MALRD1: variants seen among roughly 807,000 people sequenced by gnomAD.
The protein encoded by MALRD1 is MAM and LDL-receptor class A domain-containing protein 1.
MALRD1 carries 247 observed loss-of-function variants against 242.1 expected under a neutral mutation model. That is an observed-to-expected ratio of 1.02 (90% confidence interval 0.92 to 1.13). The LOEUF (loss-of-function observed/expected upper bound fraction) is 1.13, where lower values mean the gene tolerates loss of function less well. MALRD1 is among the 50% of genes most tolerant of loss of function. The probability of loss-of-function intolerance (pLI) is 0.00; values close to 1 mark genes in which losing one functional copy is unlikely to be tolerated. For missense variants in MALRD1, 2,989 were observed against 2,533.1 expected (o/e 1.18, Z -3.86); for synonymous variants, 995 against 866.6 (o/e 1.15, Z -2.60).
At chr10:19,401,801 T>G (rs1333186691) in intron 28 of MALRD1, among the ~76,000 whole-genome samples, 1 of 145,974 alleles carries the variant, frequency 6.9e-6, no homozygotes, top group Non-Finnish European at 1.5e-5. Context: ...GATACGACTT[T>G]AAGATTGATC....
At chr10:19,308,589 C>G (rs1842315161) in intron 21 of MALRD1, among the ~76,000 whole-genome samples, 1 of 151,432 alleles carries the variant, frequency 6.6e-6, no homozygotes, top group Non-Finnish European at 1.5e-5. Context: ...TCATAATTCT[C>G]TATTTTATAC....
chr10:19,113,516 A>C (rs1334332859), intron 5 of MALRD1, among the ~76,000 whole-genome samples: 5 of 139,292 alleles, frequency 3.6e-5, no homozygotes, highest in African/African-American at 8.1e-5. Flanking sequence ...TTTTCTCCCC[A>C]TTCCTCTCCC....
rs1201367066 is a variant in MALRD1 at position 19,164,419 on chromosome 10, C to T, written c.1657-1218C>T. Among the ~76,000 whole-genome samples, 3 of 152,036 alleles carry T rather than the reference C, an allele frequency of 2.0e-5. No individual in the cohort carries two copies. The East Asian group carries it at 5.8e-4, about 29-fold the overall frequency. The stretch of plus-strand genomic sequence containing the variant: ...AAAAGCACAATGATGAATGGGAAAA[C>T]ATTTTTTAAAAAGAATTTAAAATAT... On this transcript the variant is annotated intron_variant, in intron 12 of 39. Transcript: ENST00000454679.
At chr10:19,307,287 G>A (rs1232478705) in intron 21 of MALRD1, among the ~76,000 whole-genome samples, 1 of 151,340 alleles carries the variant, frequency 6.6e-6, no homozygotes, top group African/African-American at 2.4e-5. Flanking sequence ...TGTCTAAGGG[G>A]GATACTTGAT....
At chr10:19,387,845 G>A (rs1846152480) in intron 27 of MALRD1, 72 bp downstream of exon 27, 3 of 1,485,318 alleles carry the variant, frequency 2.0e-6, no homozygotes, top group African/African-American at 2.8e-5. Flanking sequence ...TTTTCTGATA[G>A]CAACTGGGGA....
At chr10:19,435,256 A>G (rs1400270103) in intron 28 of MALRD1, among the ~76,000 whole-genome samples, 1 of 152,002 alleles carries the variant, frequency 6.6e-6, no homozygotes, top group Admixed American at 6.6e-5. Flanking sequence ...TATTGCAAAG[A>G]TAGTACAGGG....
At chr10:19,237,093 T>C (rs1219682007) in intron 18 of MALRD1, among the ~76,000 whole-genome samples, 1 of 152,044 alleles carries the variant, frequency 6.6e-6, no homozygotes, top group African/African-American at 2.4e-5. Flanking sequence ...ATAAGGATAG[T>C]TAGTGTATTA....
At chr10:19,350,128 C>T (rs1844308009) in intron 25 of MALRD1, among the ~76,000 whole-genome samples, 1 of 151,994 alleles carries the variant, frequency 6.6e-6, no homozygotes, top group African/African-American at 2.4e-5. Flanking sequence ...TTATGAGAAT[C>T]ACCTCTGCCC....
chr10:19,349,628 T>C (rs1426898392), intron 25 of MALRD1, among the ~76,000 whole-genome samples: 1 of 152,212 alleles, frequency 6.6e-6, no homozygotes, highest in Admixed American at 6.5e-5. Context: ...GTCTTCCAGA[T>C]AACTTAGTAC....
chr10:19,627,939 AAC>A (rs1221481812), intron 36 of MALRD1, among the ~76,000 whole-genome samples: 3 of 152,128 alleles, frequency 2.0e-5, no homozygotes, highest in South Asian at 4.1e-4. Flanking sequence ...ATAAATGGTC[AAC>A]ACACATCTGA....
At chr10:19,255,634 T>C (rs532591027) in intron 18 of MALRD1, among the ~76,000 whole-genome samples, 7 of 152,086 alleles carry the variant, frequency 4.6e-5, no homozygotes, top group Non-Finnish European at 8.8e-5. Flanking sequence ...GTTTCTCAAA[T>C]TGTAATTATT....
intron 36 of MALRD1, among the ~76,000 whole-genome samples, chr10:19,630,855 G>A (rs1426206766): frequency 6.6e-6 from 1 of 151,706 alleles, no homozygotes; most frequent in Non-Finnish European, 1.5e-5. Context: ...TATATTTTTT[G>A]GTTTGTTTTT....
At chr10:19,363,862 A>G (rs34582939) in intron 26 of MALRD1, among the ~76,000 whole-genome samples, 21,820 of 152,052 alleles carry the variant, frequency 0.14, 1,588 homozygotes, top group South Asian at 0.16. Flanking sequence ...CCAGTGTCCC[A>G]TAAGTCAGTA....
chr10:19,520,094 G>A (rs764753878), intron 31 of MALRD1, among the ~76,000 whole-genome samples: 1 of 152,028 alleles, frequency 6.6e-6, no homozygotes, highest in East Asian at 1.9e-4. Flanking sequence ...CAACAACCTT[G>A]AGTCGTTCAC....
At chr10:19,574,653 G>A (rs1836719001) in intron 33 of MALRD1, among the ~76,000 whole-genome samples, 2 of 152,168 alleles carry the variant, frequency 1.3e-5, no homozygotes, top group Non-Finnish European at 2.9e-5. Flanking sequence ...ACAATTTTGA[G>A]CAAATCATTT....
At chr10:19,234,149 T>C (rs1038606458) in intron 18 of MALRD1, among the ~76,000 whole-genome samples, 6 of 152,016 alleles carry the variant, frequency 3.9e-5, no homozygotes, top group African/African-American at 1.2e-4. Flanking sequence ...AGGTGTTCCT[T>C]GATCTTCTGA....
At chr10:19,274,412 A>G (rs1027510533) in intron 19 of MALRD1, among the ~76,000 whole-genome samples, 13 of 152,176 alleles carry the variant, frequency 8.5e-5, no homozygotes, top group African/African-American at 2.9e-4. Context: ...TATGTGGGAT[A>G]ATTAGGTCAG....
rs186534742 is a variant in MALRD1 at position 19,549,139 on chromosome 10, T to C, written c.5478+17788T>C. Among the ~76,000 whole-genome samples, 13 of 152,320 alleles carry C rather than the reference T, an allele frequency of 8.5e-5. No homozygotes were observed. In the East Asian group the frequency reaches 2.5e-3, roughly 29 times the overall value. On this transcript the variant is annotated intron_variant, in intron 32 of 39. Coordinates refer to ENST00000454679, the MANE Select transcript of MALRD1 (RefSeq NM_001142308.3). ...GAGCAAGACCCAACTCTCTTCAGTT[T>C]GGCTGAGAGAGGTGAGGAAGCTGTG...
chr10:19,299,204 G>A (rs1440606984), intron 21 of MALRD1, among the ~76,000 whole-genome samples: 1 of 151,924 alleles, frequency 6.6e-6, no homozygotes, highest in Admixed American at 6.6e-5. Context: ...ATCATATATT[G>A]ATTAAGATAC....
Sources: gnomAD v4.1 joint callset for allele counts (sites outside exome capture counted in the v4.1 genomes callset) on GRCh38, gnomAD v4.1.1 for gene constraint, MANE v1.5 for transcripts, NCBI Gene and HGNC (gene_info 2026-07-23, HGNC 2026-07-21) for gene names.